Variants in SLC35F4 observed in about 807,000 individuals in gnomAD.
SLC35F4 encodes the protein solute carrier family 35 member F4, also known as chromosome 14 open reading frame 36.
In SLC35F4, 24 loss-of-function variants were observed where a neutral mutation model predicts 44.2. The observed-to-expected ratio is 0.54, with a 90% confidence interval of 0.39 to 0.76. The LOEUF is 0.76. SLC35F4 is among the 30% of genes least tolerant of loss of function. The probability of loss-of-function intolerance (pLI) is 0.00; values close to 1 mark genes in which losing one functional copy is unlikely to be tolerated. For synonymous variants in SLC35F4, 238 were observed against 223.6 expected, an observed-to-expected ratio of 1.06 and a Z score of -0.57; for missense variants, 562 against 586.1, an observed-to-expected ratio of 0.96 and a Z score of 0.42.
chr14:57,572,874 T>C (rs268804), intron 4 of SLC35F4, among the ~76,000 whole-genome samples: 96,444 of 152,100 alleles, frequency 0.63, 30,733 homozygotes, highest in Admixed American at 0.7. Flanking sequence ...TTCAGAGCTA[T>C]AGCAAACAGT....
chr14:57,906,528 G>T (rs1256369028), intron 1 of SLC35F4, among the ~76,000 whole-genome samples: 2 of 152,134 alleles, frequency 1.3e-5, no homozygotes, highest in Non-Finnish European at 2.9e-5. Context: ...AATGCTTGAG[G>T]AAACATCTTT....
chr14:57,753,174 T>C (rs946578606), intron 1 of SLC35F4, among the ~76,000 whole-genome samples: 19 of 152,200 alleles, frequency 1.2e-4, no homozygotes, highest in South Asian at 1.0e-3. Flanking sequence ...TCTGGTAGTC[T>C]TTGATGAAGT....
At chr14:57,950,383 G>A (rs1431453279) in intron 1 of SLC35F4, among the ~76,000 whole-genome samples, 1 of 151,784 alleles carries the variant, frequency 6.6e-6, no homozygotes, top group Non-Finnish European at 1.5e-5. Context: ...AGCTGTGATT[G>A]TATTTTATTT....
At chr14:57,609,773 G>C (rs556588611) in intron 1 of SLC35F4, among the ~76,000 whole-genome samples, 58 of 152,292 alleles carry the variant, frequency 3.8e-4, no homozygotes, top group African/African-American at 1.3e-3. Flanking sequence ...TTTGGAATAA[G>C]GTAAAAATGC....
chr14:57,946,024 G>C (rs1007183163), intron 1 of SLC35F4, among the ~76,000 whole-genome samples: 3 of 152,062 alleles, frequency 2.0e-5, no homozygotes, highest in African/African-American at 7.2e-5. Flanking sequence ...CTGGATATTA[G>C]TCCTTTGTTG....
At chr14:57,874,739 C>T (rs1888363714) in intron 1 of SLC35F4, among the ~76,000 whole-genome samples, 1 of 152,196 alleles carries the variant, frequency 6.6e-6, no homozygotes, top group Non-Finnish European at 1.5e-5. Flanking sequence ...TCCCCACCAC[C>T]TTTCCAAATC....
intron 1 of SLC35F4, among the ~76,000 whole-genome samples, chr14:57,932,055 G>A (rs958501675): frequency 6.6e-6 from 1 of 152,164 alleles, no homozygotes. Context: ...TCACTGCCTT[G>A]CTGACTTTGT....
chr14:57,865,732 T>G lies in SLC35F4; in HGVS notation c.94A>C (p.Ser32Arg). 3.3e-6 allele frequency: 5 copies of G among 1,520,520 alleles called. No individual in the cohort carries two copies. Among genetic ancestry groups the G allele is most frequent in the Non-Finnish European group, 4.4e-6 (5 of 1,140,356 alleles). 94.2% of individuals were successfully genotyped at this position (1,520,520 alleles called of 1,614,324 possible). A position where few individuals can be genotyped will look rare whatever the true frequency, so the allele number is the denominator to read the frequency against. ...CCGCGCGGCGTCTTACTTTTCTGGC[T>G]GGAGTAACCTGGATAATAGCCATAG... ...GYYGYYPGYSSQKSTSRSSVT... is the reference protein window; with the variant it reads ...GYYGYYPGYSRQKSTSRSSVT... Residue 32 changes from serine (S) to arginine (R), a missense_variant, in exon 1 of 8, where the codon AGC (serine) becomes CGC (arginine). Physicochemically the swap from Ser to Arg is moderately radical, Grantham distance 110. Coordinates refer to ENST00000556826, the MANE Select transcript of SLC35F4 (RefSeq NM_001306087.2).
rs1594941051 is a variant in SLC35F4, at chr14:57,744,056, A to C, written c.103+121667T>G. ...TCATGCTAAAAACTCTCAATAAATT[A>C]GGTATTGATGGGACGTATCTCAAAA... On this transcript the variant is annotated intron_variant, in intron 1 of 7. Transcript: ENST00000556826. Among the ~76,000 whole-genome samples, 3 of 152,238 alleles carry C rather than the reference A, an allele frequency of 2.0e-5. No individual in the cohort carries two copies. In the East Asian group the frequency reaches 5.8e-4, roughly 29 times the overall value.
At position 57,925,535 on chromosome 14, in the gene SLC35F4, G is replaced by C. The variant is rs12890312; in HGVS notation, n.282+56378C>G. 1.4e-3 allele frequency among the ~76,000 whole-genome samples: 98 copies of C among 70,770 alleles called. 7 individuals are homozygous for C. The East Asian group carries it at 0.043, about 31-fold the overall frequency. 46.4% of individuals were successfully genotyped at this position (70,770 alleles called of 152,430 possible). A position where few individuals can be genotyped will look rare whatever the true frequency, so the allele number is the denominator to read the frequency against. ...GGAGGGAGGGAGGGAGGGAGGGAGG[G>C]AGGGAGGGAGGAAGGAAGGAAGGAA... On this transcript the variant is annotated intron_variant and non_coding_transcript_variant, in intron 1 of 1. Coordinates refer to the SLC35F4 transcript ENST00000556568.
At chr14:57,650,982 C>T (rs1458683788) in intron 1 of SLC35F4, among the ~76,000 whole-genome samples, 1 of 152,188 alleles carries the variant, frequency 6.6e-6, no homozygotes. Flanking sequence ...CCCAAACACC[C>T]TATCTAAAGT....
chr14:57,594,229 A>T, intron 1 of SLC35F4, 105 bp from the exon 2 acceptor site: 7 of 1,137,042 alleles, frequency 6.2e-6, no homozygotes, highest in Middle Eastern at 2.8e-4. Context: ...TCACTCTGTC[A>T]CCCAGGCTAG....
intron 1 of SLC35F4, among the ~76,000 whole-genome samples, chr14:57,719,714 G>A (rs1381942956): frequency 6.6e-6 from 1 of 151,754 alleles, no homozygotes; most frequent in Non-Finnish European, 1.5e-5. Flanking sequence ...TTTTTTGGTG[G>A]AATCTTTATA....
intron 1 of SLC35F4, among the ~76,000 whole-genome samples, chr14:57,645,651 A>G (rs545745007): frequency 6.6e-6 from 1 of 151,414 alleles, no homozygotes; most frequent in Admixed American, 6.6e-5. Flanking sequence ...CAGAACTTCC[A>G]ACACTATGTT....
At chr14:57,744,951 A>T (rs1271385655) in intron 1 of SLC35F4, among the ~76,000 whole-genome samples, 1 of 151,582 alleles carries the variant, frequency 6.6e-6, no homozygotes, top group Non-Finnish European at 1.5e-5. Flanking sequence ...TCTACTAACC[A>T]TCTGATCTTT....
At chr14:57,634,304 GGATGTGGCCTTATCTA>G (rs1395836943) in intron 1 of SLC35F4, among the ~76,000 whole-genome samples, 1 of 152,144 alleles carries the variant, frequency 6.6e-6, no homozygotes, top group Non-Finnish European at 1.5e-5. Flanking sequence ...TATAACAGAA[GGATGTGGCCTTATCTA>G]GAGTACATTC....
intron 1 of SLC35F4, among the ~76,000 whole-genome samples, chr14:57,746,058 G>C (rs1254438812): frequency 6.7e-6 from 1 of 148,340 alleles, no homozygotes; most frequent in Non-Finnish European, 1.5e-5. Context: ...ACAGGGTGGG[G>C]AACATCACAC....
chr14:57,642,183 T>A (rs75904802), intron 1 of SLC35F4, among the ~76,000 whole-genome samples: 2,769 of 152,066 alleles, frequency 0.018, 93 homozygotes, highest in African/African-American at 0.064. Context: ...GAGGTGATTT[T>A]TAACCTTATC....
chr14:57,814,623 A>G (rs1882357885), intron 1 of SLC35F4, among the ~76,000 whole-genome samples: 2 of 152,222 alleles, frequency 1.3e-5, no homozygotes, highest in Admixed American at 1.3e-4. Context: ...ATTTGATGAA[A>G]TAATAGTTGC....
Sources: gnomAD v4.1 joint callset for allele counts (sites outside exome capture counted in the v4.1 genomes callset) on GRCh38, gnomAD v4.1.1 for gene constraint, MANE v1.5 for transcripts, NCBI Gene and HGNC (gene_info 2026-07-23, HGNC 2026-07-21) for gene names.